The following HTRA1 variants were observed in gnomAD, a reference collection of about 807,000 sequenced individuals.
The protein encoded by HTRA1 is serine protease HTRA1.
Under a neutral mutation model 49.7 loss-of-function variants are expected in HTRA1, and 26 were observed. The observed-to-expected ratio is 0.52, with a 90% CI of 0.38 to 0.73. The LOEUF is 0.73. Among genes scored for constraint, HTRA1 ranks in the 30% least tolerant of loss-of-function variants. The probability of loss-of-function intolerance (pLI) is 0.00; values close to 1 mark genes in which losing one functional copy is unlikely to be tolerated. For missense variants in HTRA1, 561 were observed against 667.2 expected (o/e 0.84, Z 1.75); for synonymous variants, 291 against 286.9 (o/e 1.01, Z -0.14).
chr10:122,461,828 G>C lies in HTRA1; in HGVS notation c.176G>C (p.Arg59Pro), dbSNP rs1246114252. ...GAGCACTGCGAGGGCGGCCGGGCCC[G>C]GGACGCGTGCGGCTGCTGCGAGGTG... ...QPEHCEGGRARDACGCCEVCG... is the reference protein window; with the variant it reads ...QPEHCEGGRAPDACGCCEVCG... Residue 59 changes from arginine to proline, a missense_variant, in exon 1 of 9, where the codon CGG becomes CCG. This residue lies in a region of HTRA1 where 111 missense variants were observed against 83.7 expected (regional missense o/e 1.33). Coordinates refer to ENST00000368984, the MANE Select transcript of HTRA1 (RefSeq NM_002775.5). 5.1e-5 allele frequency: 57 copies of C among 1,113,298 alleles called. 1 individual carries two copies. The East Asian group carries it at 2.8e-3, about 54-fold the overall frequency. The allele number at this position is 1,113,298 out of a possible 1,614,324, so 69.0% of individuals were successfully genotyped here.
chr10:122,463,065 C>G (rs1346542637), intron 1 of HTRA1, among the ~76,000 whole-genome samples: 1 of 152,282 alleles, frequency 6.6e-6, no homozygotes, highest in East Asian at 1.9e-4. Context: ...AGGAACCAGA[C>G]AGCGGGGCTT....
At chr10:122,504,780 C>T (rs2284670) in intron 3 of HTRA1, among the ~76,000 whole-genome samples, 2,756 of 152,340 alleles carry the variant, frequency 0.018, 77 homozygotes, top group East Asian at 0.14. Flanking sequence ...AAACACACTG[C>T]GCTGAGCTCG....
At chr10:122,514,049 T>C (rs2097506822) in intron 8 of HTRA1, 142 bp from the exon 9 acceptor site, 5 of 857,208 alleles carry the variant, frequency 5.8e-6, no homozygotes, top group Non-Finnish European at 9.8e-6. Context: ...CACTGATGGT[T>C]TGAATTATTC....
Position 122,496,224 on chromosome 10 carries a change from GGTTCTTTTTTTTTTTTTTT to G in HTRA1, c.777+6599_777+6617del, listed in dbSNP as rs1434641511. Among the ~76,000 whole-genome samples the G allele has an allele frequency of 1.2e-4, 4 of 32,106 alleles. No individual in the cohort carries two copies. The East Asian group carries it at 1.8e-3, about 15-fold the overall frequency. The allele number at this position is 32,106 out of a possible 152,430, so 21.1% of individuals were successfully genotyped here. A position where few individuals can be genotyped will look rare whatever the true frequency, so the allele number is the denominator to read the frequency against. ...GCCCTTTCGTTTGCCAGAGATTGTG[GGTTCTTTTTTTTTTTTTTT>G]TTTTTTTTTTTTTTTTGCAGAGATG... On this transcript the variant is annotated intron_variant, in intron 3 of 8. Coordinates refer to ENST00000368984, the MANE Select transcript of HTRA1 (RefSeq NM_002775.5).
At chr10:122,471,351 G>T (rs1231955997) in intron 1 of HTRA1, among the ~76,000 whole-genome samples, 2 of 152,194 alleles carry the variant, frequency 1.3e-5, no homozygotes, top group African/African-American at 4.8e-5. Flanking sequence ...CGTTCTGTCT[G>T]TGGGATTCTG....
At chr10:122,504,592 C>T (rs2097502297) in intron 3 of HTRA1, among the ~76,000 whole-genome samples, 1 of 152,312 alleles carries the variant, frequency 6.6e-6, no homozygotes, top group South Asian at 2.1e-4. Context: ...AAGCCCAGCC[C>T]TGAAGGCCTC....
rs1194513452 is a variant in HTRA1, at chr10:122,461,975, G to T, written c.323G>T (p.Gly108Val). ...ACGGTGCGGCGGCGCGCGCAGGCCGGCCTCTGTGTGTGCGCCAGCAGCGAG... is the reference window on the plus strand; with the variant it reads ...ACGGTGCGGCGGCGCGCGCAGGCCGTCCTCTGTGTGTGCGCCAGCAGCGAG... ...SATVRRRAQA[G>V]LCVCASSEPV... Residue 108 changes from glycine to valine, a missense_variant, in exon 1 of 9, where the codon GGC (glycine) becomes GTC (valine). Gly to Val is a moderately radical substitution (Grantham distance 109). Around this residue, in one of 3 missense-constraint regions of HTRA1, gnomAD observed 271 missense variants for 410.0 expected, o/e 0.66. Coordinates refer to ENST00000368984, the MANE Select transcript of HTRA1 (RefSeq NM_002775.5). The T allele has an allele frequency of 6.6e-7, 1 of 1,518,256 alleles. No homozygotes were observed. Among genetic ancestry groups the T allele is most frequent in the Middle Eastern group, 2.3e-4 (1 of 4,350 alleles). The allele number at this position is 1,518,256 out of a possible 1,614,324, so 94.0% of individuals were successfully genotyped here.
intron 1 of HTRA1, among the ~76,000 whole-genome samples, chr10:122,484,680 G>A (rs1455914376): frequency 1.3e-5 from 2 of 152,198 alleles, no homozygotes; most frequent in African/African-American, 2.4e-5. Flanking sequence ...ATTGAGGTAG[G>A]TGGTGTTACC....
At chr10:122,475,434 A>G (rs2097488013) in intron 1 of HTRA1, among the ~76,000 whole-genome samples, 1 of 152,392 alleles carries the variant, frequency 6.6e-6, no homozygotes, top group South Asian at 2.1e-4. Flanking sequence ...GAAAGAGGCC[A>G]CACGAAACTC....
intron 1 of HTRA1, among the ~76,000 whole-genome samples, chr10:122,474,511 C>G (rs543609497): frequency 6.6e-6 from 1 of 152,314 alleles, no homozygotes; most frequent in South Asian, 2.1e-4. Flanking sequence ...CGGGTGGGCA[C>G]TGCCTCCCAG....
rs1425275741 is a variant in HTRA1, at chr10:122,510,640, C to T, written c.1178+487C>T. On this transcript the variant is annotated intron_variant, in intron 7 of 8. Transcript: ENST00000368984. Reference sequence around the variant, plus strand: ...AGTGAATGACTGATGTGCTTGTTTTCCCCGAGCTGGTGGAATTGCGGCCTG... The same window carrying T: ...AGTGAATGACTGATGTGCTTGTTTTTCCCGAGCTGGTGGAATTGCGGCCTG... 3.9e-5 allele frequency among the ~76,000 whole-genome samples: 6 copies of T among 152,176 alleles called. No homozygotes were observed. In the East Asian group the frequency reaches 1.2e-3, roughly 29 times the overall value.
chr10:122,493,051 G>A (rs1189912045), intron 3 of HTRA1, among the ~76,000 whole-genome samples: 2 of 152,172 alleles, frequency 1.3e-5, no homozygotes, highest in Non-Finnish European at 2.9e-5. Flanking sequence ...ATGTTTCTGG[G>A]CTTGTGACCA....
At chr10:122,495,934 T>C (rs2097498387) in intron 3 of HTRA1, among the ~76,000 whole-genome samples, 1 of 152,192 alleles carries the variant, frequency 6.6e-6, no homozygotes, top group South Asian at 2.1e-4. Flanking sequence ...ATGGTCATGC[T>C]CACTTATTTA....
At chr10:122,485,813 G>A (rs1167078326) in intron 1 of HTRA1, among the ~76,000 whole-genome samples, 2 of 152,198 alleles carry the variant, frequency 1.3e-5, no homozygotes, top group East Asian at 1.9e-4. Context: ...TAGTGGGAAG[G>A]CGCTGGTAAT....
intron 7 of HTRA1, among the ~76,000 whole-genome samples, chr10:122,510,425 C>T (rs2097505086): frequency 1.3e-5 from 2 of 152,202 alleles, no homozygotes; most frequent in Admixed American, 1.3e-4. Flanking sequence ...TGAAGGCAGG[C>T]CTGAACAGTG....
intron 6 of HTRA1, 81 bp from the exon 7 acceptor site, chr10:122,510,015 G>A (rs2097504875): frequency 1.6e-6 from 2 of 1,219,254 alleles, no homozygotes; most frequent in South Asian, 1.2e-5. Flanking sequence ...CAACCTGGGG[G>A]ATTGGGCCCC....
At position 122,462,027 on chromosome 10, in the gene HTRA1, C is replaced by A. The variant is rs12244085; in HGVS notation, c.375C>A (p.Thr125=). 1.3e-6 allele frequency: 2 copies of A among 1,532,714 alleles called. No homozygotes were observed. The highest frequency in any genetic ancestry group is 2.4e-5 in the East Asian group (1 of 40,818). 94.9% of individuals were successfully genotyped at this position (1,532,714 alleles called of 1,614,324 possible). Residue 125 remains threonine, a synonymous_variant, in exon 1 of 9, where the codon ACC becomes ACA. Coordinates refer to ENST00000368984, the MANE Select transcript of HTRA1 (RefSeq NM_002775.5). ...SEPVCGSDAN[T]YANLCQLRAA... ...CGGTGTGCGGCAGCGACGCCAACAC[C>A]TACGCCAACCTGTGCCAGCTGCGCG...
At chr10:122,512,821 C>T (rs1454360565) in intron 8 of HTRA1, among the ~76,000 whole-genome samples, 1 of 152,036 alleles carries the variant, frequency 6.6e-6, no homozygotes. Context: ...GTACACTGAA[C>T]CCAATTTGTA....
chr10:122,489,115 C>T, intron 2 of HTRA1, 114 bp downstream of exon 2: 1 of 796,354 alleles, frequency 1.3e-6, no homozygotes, highest in Non-Finnish European at 2.2e-6. Context: ...GAATATCTTC[C>T]TACTTAAGAT....
Sources: gnomAD v4.1 joint callset for allele counts (sites outside exome capture counted in the v4.1 genomes callset) on GRCh38, gnomAD v4.1.1 for gene constraint, gnomAD v4.1.1 regional missense constraint, MANE v1.5 for transcripts, NCBI Gene and HGNC (gene_info 2026-07-23, HGNC 2026-07-21) for gene names.